NSMCE1: variants seen among roughly 807,000 people sequenced by gnomAD.
NSMCE1 encodes the protein non-structural maintenance of chromosomes element 1 homolog.
In NSMCE1, 18 loss-of-function variants were observed where a neutral mutation model predicts 29.6. The ratio of observed to expected loss-of-function variants is 0.61; its 90% CI spans 0.42 to 0.90. NSMCE1 has a LOEUF of 0.90. Ranked by LOEUF, NSMCE1 falls within the 40% of genes least tolerant of loss-of-function variation. NSMCE1 has a pLI of 0.00. For missense variants in NSMCE1, 314 were observed against 343.6 expected (o/e 0.91, Z 0.68); for synonymous variants, 124 against 133.4 (o/e 0.93, Z 0.49).
At chr16:27,228,186 G>A (rs981307986) in intron 5 of NSMCE1, among the ~76,000 whole-genome samples, 3 of 152,272 alleles carry the variant, frequency 2.0e-5, no homozygotes, top group East Asian at 1.9e-4. Flanking sequence ...CTCACAGTGC[G>A]TTCGCTCTGG....
At chr16:27,266,402 A>G (rs2084225452) in intron 1 of NSMCE1, 1 of 152,194 alleles carries the variant, frequency 6.6e-6, no homozygotes, top group South Asian at 2.1e-4. Context: ...AAGAGACTGT[A>G]GGGAGAATGG....
intron 6 of NSMCE1, 61 bp from the exon 7 acceptor site, chr16:27,225,907 C>A: frequency 6.3e-7 from 1 of 1,599,320 alleles, no homozygotes; most frequent in East Asian, 2.2e-5. Flanking sequence ...CTGCAAACCT[C>A]CGGGGAAGCC....
chr16:27,234,003 CT>C, intron 4 of NSMCE1, 184 bp downstream of exon 4: 1 of 568,828 alleles, frequency 1.8e-6, no homozygotes. Context: ...TGGGGACCCC[CT>C]GGCAGCTGTG....
chr16:27,257,697 C>T (rs760547859), intron 1 of NSMCE1, 116 bp from the exon 2 acceptor site: 3 of 904,262 alleles, frequency 3.3e-6, no homozygotes, highest in African/African-American at 3.4e-5. Context: ...AAAAGTCATT[C>T]TTCATGCTGT....
intron 1 of NSMCE1, among the ~76,000 whole-genome samples, chr16:27,258,731 T>C (rs2084116859): frequency 6.6e-6 from 1 of 152,092 alleles, no homozygotes; most frequent in South Asian, 2.1e-4. Context: ...AGACTGCTAA[T>C]TACTGCTCTT....
chr16:27,248,378 A>C (rs1451748680), intron 2 of NSMCE1, among the ~76,000 whole-genome samples: 1 of 146,468 alleles, frequency 6.8e-6, no homozygotes, highest in African/African-American at 2.5e-5. Flanking sequence ...ATACACATGC[A>C]GTGGTAGCTC....
Position 27,234,287 on chromosome 16 carries a change from C to G in NSMCE1, c.259-22G>C, listed in dbSNP as rs551053464. On this transcript the variant is annotated intron_variant, in intron 3 of 7. Transcript: ENST00000361439. Reference sequence around the variant, plus strand: ...TCACCTAAGAAATAAGTCAGCACGACAGTCAGGCTGTGCTCTTTGCGTGTT... The same window carrying G: ...TCACCTAAGAAATAAGTCAGCACGAGAGTCAGGCTGTGCTCTTTGCGTGTT... 925 of 1,549,690 alleles carry G rather than the reference C, an allele frequency of 6.0e-4. 15 individuals are homozygous for G. The South Asian group carries it at 1.0e-2, about 17-fold the overall frequency.
rs766597329 is a variant in NSMCE1, at chr16:27,226,862, A to G, written c.484-26T>C. 2.8e-6 allele frequency: 4 copies of G among 1,453,602 alleles called. No individual in the cohort carries two copies. The Admixed American group carries it at 6.7e-5, about 24-fold the overall frequency. 90.0% of individuals were successfully genotyped at this position (1,453,602 alleles called of 1,614,324 possible). A position where few individuals can be genotyped will look rare whatever the true frequency, so the allele number is the denominator to read the frequency against. On this transcript the variant is annotated intron_variant, in intron 5 of 7. Transcript: ENST00000361439. Reference sequence around the variant, plus strand: ...CTGCAGGGACACACAGGAGGTGGCCACCCTCAGCCAGGCCCTCTCCCCATT... The same window carrying G: ...CTGCAGGGACACACAGGAGGTGGCCGCCCTCAGCCAGGCCCTCTCCCCATT...
chr16:27,267,184 C>T (rs2084235247), intron 1 of NSMCE1, among the ~76,000 whole-genome samples: 1 of 152,000 alleles, frequency 6.6e-6, no homozygotes, highest in South Asian at 2.1e-4. Flanking sequence ...TTAAGAAATA[C>T]ATCTATACGT....
chr16:27,250,686 G>A (rs1334150759), intron 2 of NSMCE1, among the ~76,000 whole-genome samples: 2 of 151,476 alleles, frequency 1.3e-5, no homozygotes, highest in South Asian at 2.1e-4. Flanking sequence ...CCAGCTACTC[G>A]GGAGGCGGAG....
chr16:27,263,482 G>A (rs142734098), intron 1 of NSMCE1, among the ~76,000 whole-genome samples: 35 of 152,306 alleles, frequency 2.3e-4, no homozygotes, highest in Non-Finnish European at 4.7e-4. Flanking sequence ...TTATAAGTGG[G>A]AGTTAAATGA....
chr16:27,229,679 C>T (rs1019730068), intron 5 of NSMCE1, among the ~76,000 whole-genome samples: 2 of 152,310 alleles, frequency 1.3e-5, no homozygotes, highest in East Asian at 1.9e-4. Context: ...AGGGTTCAAG[C>T]GATTCTTCTG....
chr16:27,246,705 G>A (rs2083962233), intron 2 of NSMCE1, among the ~76,000 whole-genome samples: 2 of 152,072 alleles, frequency 1.3e-5, no homozygotes, highest in South Asian at 4.1e-4. Context: ...GCCCAGGTTT[G>A]TCTCAAACTC....
chr16:27,256,122 C>T (rs1040346805), intron 2 of NSMCE1, among the ~76,000 whole-genome samples: 1 of 152,132 alleles, frequency 6.6e-6, no homozygotes, highest in Non-Finnish European at 1.5e-5. Context: ...TGTACCTGTA[C>T]ACGCCCTTTC....
intron 6 of NSMCE1, 194 bp from the exon 7 acceptor site, chr16:27,226,040 G>A: frequency 1.6e-6 from 1 of 614,902 alleles, no homozygotes; most frequent in Non-Finnish European, 2.8e-6. Flanking sequence ...GTTGCGGTGG[G>A]TTTTACTAAA....
intron 1 of NSMCE1, among the ~76,000 whole-genome samples, chr16:27,264,259 G>A (rs1055468000): frequency 6.6e-6 from 1 of 152,132 alleles, no homozygotes; most frequent in African/African-American, 2.4e-5. Context: ...TGTAGTCCCA[G>A]GTACTCATGA....
intron 2 of NSMCE1, among the ~76,000 whole-genome samples, chr16:27,239,836 G>A (rs1027760210): frequency 1.3e-5 from 2 of 152,184 alleles, no homozygotes; most frequent in Non-Finnish European, 2.9e-5. Flanking sequence ...TGCTATCTGT[G>A]TTCTCTCTAC....
chr16:27,253,921 A>G (rs1460598605), intron 2 of NSMCE1, among the ~76,000 whole-genome samples: 3 of 152,222 alleles, frequency 2.0e-5, no homozygotes, highest in African/African-American at 7.2e-5. Flanking sequence ...AGCCAGGAGA[A>G]TTGGGGACTT....
At chr16:27,230,902 T>G (rs1214592536) in intron 5 of NSMCE1, 1 of 152,358 alleles carries the variant, frequency 6.6e-6, no homozygotes, top group Non-Finnish European at 1.5e-5. Flanking sequence ...CGCCACAGAC[T>G]CCAGGGCGGG....
Sources: gnomAD v4.1 joint callset for allele counts (sites outside exome capture counted in the v4.1 genomes callset) on GRCh38, gnomAD v4.1.1 for gene constraint, MANE v1.5 for transcripts, NCBI Gene and HGNC (gene_info 2026-07-23, HGNC 2026-07-21) for gene names.